The following ALCAM variants were observed in gnomAD, a reference collection of about 807,000 sequenced individuals.
ALCAM encodes CD166 antigen.
Under a neutral mutation model 70.9 loss-of-function variants are expected in ALCAM, and 30 were observed. That is an observed-to-expected ratio of 0.42 (90% CI 0.32 to 0.57). The LOEUF is 0.57. Among genes scored for constraint, ALCAM ranks in the 20% least tolerant of loss-of-function variants. The pLI, the probability that ALCAM is intolerant of heterozygous loss-of-function variation, is 0.11. For missense variants in ALCAM, 591 were observed against 695.1 expected (o/e 0.85, Z 1.68); for synonymous variants, 249 against 242.5 (o/e 1.03, Z -0.25).
At chr3:105,528,989 A>G (rs538392037) in intron 3 of ALCAM, among the ~76,000 whole-genome samples, 20 of 152,348 alleles carry the variant, frequency 1.3e-4, no homozygotes, top group African/African-American at 4.1e-4. Flanking sequence ...CCTGTCTCCA[A>G]CACACACATG....
intron 1 of ALCAM, among the ~76,000 whole-genome samples, chr3:105,473,135 T>C (rs961359544): frequency 3.3e-5 from 5 of 151,478 alleles, no homozygotes; most frequent in African/African-American, 1.2e-4. Flanking sequence ...TGCTAACCCA[T>C]ATAAAAATAA....
intron 14 of ALCAM, among the ~76,000 whole-genome samples, chr3:105,567,422 G>T (rs1940768103): frequency 6.6e-6 from 1 of 151,686 alleles, no homozygotes; most frequent in Non-Finnish European, 1.5e-5. Flanking sequence ...GGCCACTGAA[G>T]ATCTGCTCAC....
intron 1 of ALCAM, among the ~76,000 whole-genome samples, chr3:105,383,131 A>G (rs1384289991): frequency 1.3e-5 from 2 of 151,622 alleles, no homozygotes; most frequent in Non-Finnish European, 2.9e-5. Flanking sequence ...GTGTATCCCT[A>G]TCCTTCAGAA....
chr3:105,479,217 G>A (rs1186291542), intron 1 of ALCAM, among the ~76,000 whole-genome samples: 2 of 152,076 alleles, frequency 1.3e-5, no homozygotes, highest in Admixed American at 6.6e-5. Flanking sequence ...TAGTTTGTGT[G>A]TATGCAATAT....
At chr3:105,521,324 A>AAAAG (rs1939538436) in intron 2 of ALCAM, among the ~76,000 whole-genome samples, 1 of 150,738 alleles carries the variant, frequency 6.6e-6, no homozygotes, top group Non-Finnish European at 1.5e-5. Context: ...AAAAAAAAAA[A>AAAAG]AAAAAAAAGT....
intron 1 of ALCAM, among the ~76,000 whole-genome samples, chr3:105,484,934 A>G (rs1473678856): frequency 6.6e-6 from 1 of 152,064 alleles, no homozygotes; most frequent in Non-Finnish European, 1.5e-5. Context: ...TAAAGTCTGG[A>G]AGAATTCTTT....
intron 1 of ALCAM, among the ~76,000 whole-genome samples, chr3:105,491,463 G>A (rs1437900970): frequency 6.6e-6 from 1 of 152,140 alleles, no homozygotes; most frequent in Admixed American, 6.5e-5. Flanking sequence ...GCATCATCAG[G>A]CTGCAAATTT....
chr3:105,564,732 G>C (rs1940706950), intron 14 of ALCAM, among the ~76,000 whole-genome samples: 1 of 152,166 alleles, frequency 6.6e-6, no homozygotes, highest in Admixed American at 6.5e-5. Context: ...GTGTGGTAAT[G>C]CAAACCTGTA....
In ALCAM at chr3:105,541,592, C is replaced by T. The variant is rs186869176; in HGVS notation, c.859-41C>T. Reference sequence around the variant, plus strand: ...AGAAATACAACTGTTCTCATTGTAGCGACCAAGTATAATCATCTGACATTT... The same window carrying T: ...AGAAATACAACTGTTCTCATTGTAGTGACCAAGTATAATCATCTGACATTT... On this transcript the variant is annotated intron_variant, in intron 7 of 15. Transcript: ENST00000306107. 5.6e-4 allele frequency: 900 copies of T among 1,599,832 alleles called. 11 individuals are homozygous for T. The Admixed American group carries it at 0.014, about 25-fold the overall frequency.
intron 1 of ALCAM, among the ~76,000 whole-genome samples, chr3:105,423,457 A>T (rs1013956984): frequency 6.6e-6 from 1 of 150,646 alleles, no homozygotes; most frequent in Non-Finnish European, 1.5e-5. Flanking sequence ...ATAGTTAATC[A>T]TAGCTACTAG....
intron 1 of ALCAM, among the ~76,000 whole-genome samples, chr3:105,502,933 A>G (rs925678529): frequency 2.6e-5 from 4 of 152,250 alleles, no homozygotes; most frequent in African/African-American, 9.6e-5. Flanking sequence ...AAAAAGAAAA[A>G]TTAGTACTGA....
intron 3 of ALCAM, chr3:105,524,929 C>T: frequency 1.0e-6 from 1 of 985,768 alleles, no homozygotes; most frequent in Non-Finnish European, 1.2e-6. Flanking sequence ...TGCCATTTTG[C>T]TGCATAATAA....
chr3:105,487,351 G>A (rs928278664), intron 1 of ALCAM, among the ~76,000 whole-genome samples: 1 of 152,030 alleles, frequency 6.6e-6, no homozygotes, highest in African/African-American at 2.4e-5. Flanking sequence ...CCTGCCCTTG[G>A]CTAGCTGCAC....
At chr3:105,371,877 A>G (rs552770877) in intron 1 of ALCAM, among the ~76,000 whole-genome samples, 12 of 152,128 alleles carry the variant, frequency 7.9e-5, no homozygotes, top group African/African-American at 2.9e-4. Flanking sequence ...CTTAAATGCA[A>G]TTTCTCACAA....
chr3:105,459,496 A>G (rs1937575509), intron 1 of ALCAM, among the ~76,000 whole-genome samples: 1 of 151,952 alleles, frequency 6.6e-6, no homozygotes, highest in African/African-American at 2.4e-5. Context: ...TTACTGAGTT[A>G]TCACCTGCCT....
chr3:105,485,594 A>G (rs1938405391), intron 1 of ALCAM, among the ~76,000 whole-genome samples: 1 of 152,086 alleles, frequency 6.6e-6, no homozygotes, highest in Admixed American at 6.6e-5. Context: ...TTTAATAAAT[A>G]TACACATAGT....
intron 1 of ALCAM, among the ~76,000 whole-genome samples, chr3:105,496,940 A>G (rs1938759910): frequency 6.6e-6 from 1 of 151,924 alleles, no homozygotes. Context: ...TAGTCCTCAA[A>G]TATGGAAAGA....
intron 1 of ALCAM, among the ~76,000 whole-genome samples, chr3:105,390,782 G>A (rs1409857484): frequency 2.0e-5 from 3 of 152,050 alleles, no homozygotes; most frequent in Admixed American, 2.0e-4. Context: ...TGATGTATAA[G>A]GAAGGGGTCC....
At chr3:105,529,328 A>G (rs769632032) in intron 3 of ALCAM, among the ~76,000 whole-genome samples, 4 of 152,202 alleles carry the variant, frequency 2.6e-5, no homozygotes, top group Non-Finnish European at 5.9e-5. Context: ...TTTCCCTTCA[A>G]TTCTATACTT....
Sources: allele counts gnomAD v4.1 joint callset (sites outside exome capture counted in the v4.1 genomes callset), GRCh38; gene constraint gnomAD v4.1.1; transcripts MANE v1.5; gene names NCBI Gene and HGNC (gene_info 2026-07-23, HGNC 2026-07-21).